The following ABHD3 variants were observed in gnomAD, a reference collection of about 807,000 sequenced individuals.
The protein encoded by ABHD3 is abhydrolase domain containing 3, phospholipase.
In ABHD3, 46 loss-of-function variants were observed where a neutral mutation model predicts 48.8. That is an observed-to-expected ratio of 0.94 (90% CI 0.74 to 1.20). The LOEUF is 1.20. ABHD3 is among the 50% of genes most tolerant of loss of function. ABHD3 has a pLI of 0.00. For missense variants in ABHD3, 490 were observed against 497.8 expected (o/e 0.98, Z 0.15); for synonymous variants, 192 against 183.7 (o/e 1.04, Z -0.36).
At position 21,685,702 on chromosome 18, in the gene ABHD3, A is replaced by G. The variant is rs2040115168; in HGVS notation, c.510-1737T>C. Among the ~76,000 whole-genome samples the G allele has an allele frequency of 2.0e-5, 3 of 151,142 alleles. No homozygotes were observed. In the South Asian group the frequency reaches 6.3e-4, roughly 32 times the overall value. On this transcript the variant is annotated intron_variant, in intron 3 of 8. Coordinates refer to ENST00000289119, the MANE Select transcript of ABHD3 (RefSeq NM_138340.5). ...CACCAACACGGCTCAGCTAATTTTT[A>G]TTCTTTTTTTTTTGAGACAGAGTCT...
chr18:21,697,029 A>T (rs999071978), intron 3 of ABHD3, among the ~76,000 whole-genome samples: 5 of 151,464 alleles, frequency 3.3e-5, no homozygotes, highest in Non-Finnish European at 7.4e-5. Flanking sequence ...TGGACAGGTT[A>T]TCTTCATGTA....
At chr18:21,678,141 G>C (rs1360876872) in intron 4 of ABHD3, among the ~76,000 whole-genome samples, 1 of 151,438 alleles carries the variant, frequency 6.6e-6, no homozygotes, top group East Asian at 1.9e-4. Flanking sequence ...TTTTTGTAGA[G>C]ACAAGATCTT....
intron 5 of ABHD3, among the ~76,000 whole-genome samples, chr18:21,661,086 GA>G (rs1163534163): frequency 2.1e-3 from 19 of 9,084 alleles, no homozygotes; most frequent in African/African-American, 9.5e-3. Flanking sequence ...CTCACCAAAA[GA>G]AAAAAACTAC....
chr18:21,662,515 C>T (rs2039525359), intron 5 of ABHD3: 2 of 152,232 alleles, frequency 1.3e-5, no homozygotes, highest in African/African-American at 4.8e-5. Flanking sequence ...ACGAGATGAT[C>T]CATGAGTTGC....
In ABHD3 at chr18:21,704,513, G is replaced by C. The variant is rs745897077; in HGVS notation, c.153C>G (p.Ser51Arg). The change falls in exon 1 of 9, where the codon AGC becomes AGG. Residue 51 changes from serine to arginine, a missense_variant. By Grantham distance (110) the Ser-to-Arg change is moderately radical (BLOSUM62 -1). Coordinates refer to ENST00000289119, the MANE Select transcript of ABHD3 (RefSeq NM_138340.5). Reference protein sequence around the residue: ...SVAYAFYYLSSIAKKPQLVTG... With the variant: ...SVAYAFYYLSRIAKKPQLVTG... The stretch of plus-strand genomic sequence containing the variant: ...GCCACCCCCGGCTCACCTTGGCAAT[G>C]CTGCTCAGGTAGTAGAAGGCATAAG... 5 of 1,471,492 alleles carry C rather than the reference G, an allele frequency of 3.4e-6. No homozygotes were observed. The Admixed American group carries it at 1.2e-4, about 36-fold the overall frequency. The allele number at this position is 1,471,492 out of a possible 1,614,324, so 91.2% of individuals were successfully genotyped here. A position where few individuals can be genotyped will look rare whatever the true frequency, so the allele number is the denominator to read the frequency against.
intron 3 of ABHD3, among the ~76,000 whole-genome samples, chr18:21,684,574 C>T (rs554071249): frequency 1.3e-5 from 2 of 152,146 alleles, no homozygotes; most frequent in East Asian, 1.9e-4. Context: ...ACGCCCACCT[C>T]GGCCTCCCAA....
Position 21,692,873 on chromosome 18 carries a change from C to T in ABHD3, c.510-8908G>A, listed in dbSNP as rs755451493. On this transcript the variant is annotated intron_variant, in intron 3 of 8. Coordinates refer to ENST00000289119, the MANE Select transcript of ABHD3 (RefSeq NM_138340.5). ...CTGGCCCTATTTAATAAGCAAAGTG[C>T]TCTAAATTTATAGTGCTTGTAAGTA... Among the ~76,000 whole-genome samples, 4 of 152,176 alleles carry T rather than the reference C, an allele frequency of 2.6e-5. No homozygotes were observed. In the East Asian group the frequency reaches 5.8e-4, roughly 22 times the overall value.
chr18:21,702,162 GA>G, intron 3 of ABHD3, 153 bp downstream of exon 3: 1 of 649,600 alleles, frequency 1.5e-6, no homozygotes, highest in Non-Finnish European at 2.4e-6. Flanking sequence ...TTCCTGAAAA[GA>G]AAGAGGAAAA....
At position 21,663,355 on chromosome 18, in the gene ABHD3, G is replaced by A. The variant is rs2039545660; in HGVS notation, c.668+763C>T. Among the ~76,000 whole-genome samples, 4 of 151,766 alleles carry A rather than the reference G, an allele frequency of 2.6e-5. No homozygotes were observed. The South Asian group carries it at 8.3e-4, about 31-fold the overall frequency. On this transcript the variant is annotated intron_variant, in intron 5 of 8. Coordinates refer to ENST00000289119, the MANE Select transcript of ABHD3 (RefSeq NM_138340.5). ...TCATTTTCTATCTTCAGTATTTGCT[G>A]ATTTAAAAAACTAGTTTTGGACAAT...
chr18:21,693,197 T>A (rs2040292087), intron 3 of ABHD3, among the ~76,000 whole-genome samples: 1 of 152,186 alleles, frequency 6.6e-6, no homozygotes, highest in Admixed American at 6.5e-5. Context: ...CCTAATTCAC[T>A]TCTTAAGGTT....
chr18:21,695,531 G>C (rs1182355971), intron 3 of ABHD3, among the ~76,000 whole-genome samples: 1 of 152,144 alleles, frequency 6.6e-6, no homozygotes, highest in Non-Finnish European at 1.5e-5. Flanking sequence ...AACATGTTAG[G>C]TTGGTGCAAA....
chr18:21,659,129 G>C (rs188022612), intron 6 of ABHD3, 41 bp downstream of exon 6: 2 of 1,583,382 alleles, frequency 1.3e-6, no homozygotes, highest in South Asian at 1.1e-5. Context: ...GTGAGCCACC[G>C]GGCCCGGCCC....
intron 3 of ABHD3, among the ~76,000 whole-genome samples, chr18:21,698,435 C>T (rs965602877): frequency 2.6e-5 from 4 of 152,064 alleles, no homozygotes; most frequent in Admixed American, 2.0e-4. Context: ...GATCTGCCCA[C>T]GTCGGCCTCC....
At chr18:21,673,581 ACCGCGCC>A (rs2039805612) in intron 4 of ABHD3, 1 of 151,920 alleles carries the variant, frequency 6.6e-6, no homozygotes, top group Non-Finnish European at 1.5e-5. Flanking sequence ...GGCGTGAGCC[ACCGCGCC>A]CAGCTGTTTT....
chr18:21,703,213 A>ACC (rs1225579394), intron 2 of ABHD3, among the ~76,000 whole-genome samples: 2,628 of 61,856 alleles, frequency 0.042, 14 homozygotes, highest in Middle Eastern at 0.09. Context: ...CATCCTTCTC[A>ACC]CCCCACCCCC....
At chr18:21,659,793 C>T (rs907503210) in intron 5 of ABHD3, among the ~76,000 whole-genome samples, 15 of 151,974 alleles carry the variant, frequency 9.9e-5, no homozygotes, top group African/African-American at 3.6e-4. Context: ...CTCAGCCTCC[C>T]GCGTAGCTGG....
At chr18:21,657,650 T>C (rs1009216847) in intron 6 of ABHD3, among the ~76,000 whole-genome samples, 4 of 151,910 alleles carry the variant, frequency 2.6e-5, no homozygotes, top group Non-Finnish European at 5.9e-5. Flanking sequence ...TTGCCTGGCC[T>C]GGTAAAATCT....
At chr18:21,695,748 G>A (rs916946769) in intron 3 of ABHD3, among the ~76,000 whole-genome samples, 1 of 152,124 alleles carries the variant, frequency 6.6e-6, no homozygotes, top group Non-Finnish European at 1.5e-5. Flanking sequence ...TTACATGAGA[G>A]AAATAAGTTT....
chr18:21,670,958 G>A (rs976156640), intron 4 of ABHD3, among the ~76,000 whole-genome samples: 1 of 152,164 alleles, frequency 6.6e-6, no homozygotes, highest in Non-Finnish European at 1.5e-5. Context: ...AGGTTGCAGT[G>A]AGCCAAGATC....
Sources: gnomAD v4.1 joint callset for allele counts (sites outside exome capture counted in the v4.1 genomes callset) on GRCh38, gnomAD v4.1.1 for gene constraint, MANE v1.5 for transcripts, NCBI Gene and HGNC (gene_info 2026-07-23, HGNC 2026-07-21) for gene names.